Variants in LRRC41 observed in about 807,000 individuals in gnomAD.
LRRC41 encodes the protein leucine rich repeat containing 41.
A neutral mutation model predicts 72.1 loss-of-function variants in LRRC41; 17 were observed. The ratio of observed to expected loss-of-function variants is 0.24; its 90% CI spans 0.16 to 0.35. The LOEUF is 0.35. Among genes scored for constraint, LRRC41 ranks in the 10% least tolerant of loss-of-function variants. The pLI is 1.00. For missense variants in LRRC41, 759 were observed against 1,065.0 expected, an observed-to-expected ratio of 0.71 and a Z score of 4.00; for synonymous variants, 427 against 431.0, an observed-to-expected ratio of 0.99 and a Z score of 0.11.
intron 4 of LRRC41, chr1:46,284,548 A>G (rs774866891): frequency 1.3e-5 from 2 of 152,182 alleles, no homozygotes; most frequent in African/African-American, 4.8e-5. Context: ...GTGAAGCTCT[A>G]TGCATCTAGA....
In LRRC41 at chr1:46,277,856, C is replaced by G; in HGVS notation, c.*1009G>C. 1 of 1,613,296 alleles carries G rather than the reference C, an allele frequency of 6.2e-7. No individual in the cohort carries two copies. On this transcript the variant is annotated 3_prime_UTR_variant, in exon 10 of 10. Transcript: ENST00000617190. ...GGAGAAGATCTTCCAGCGTCAGAGC[C>G]ACAAGAAGGCACTGAGCAGCTGTGT... is the stretch of plus-strand genomic sequence containing the variant.
Position 46,303,238 on chromosome 1 carries a change from C to G in LRRC41, c.85G>C (p.Glu29Gln). Residue 29 changes from glutamate (E) to glutamine (Q), a missense_variant, in exon 1 of 10, where the codon GAG becomes CAG. Coordinates refer to ENST00000617190, the MANE Select transcript of LRRC41 (RefSeq NM_006369.5). ...GCCGAGCTCTTCGCTGGCGCCGCCT[C>G]CCGGGACGTGGCCTCCATGGTCGTT... ...AATTMEATSREAAPAKSSASG... is the reference protein window; with the variant it reads ...AATTMEATSRQAAPAKSSASG... 4 of 1,555,328 alleles carry G rather than the reference C, an allele frequency of 2.6e-6. No individual in the cohort carries two copies. The highest frequency in any genetic ancestry group is 3.5e-6 in the Non-Finnish European group (4 of 1,152,494).
intron 1 of LRRC41, 69 bp from the exon 2 acceptor site, chr1:46,298,439 T>C: frequency 1.1e-6 from 1 of 925,734 alleles, no homozygotes; most frequent in African/African-American, 1.7e-5. Flanking sequence ...TTCCAAGCAT[T>C]ATTTATTCTA....
At chr1:46,292,501 C>T (rs1020226189) in intron 3 of LRRC41, among the ~76,000 whole-genome samples, 8 of 152,178 alleles carry the variant, frequency 5.3e-5, no homozygotes, top group Admixed American at 5.2e-4. Flanking sequence ...CAAATTTCGC[C>T]ATGGCCAAAC....
chr1:46,277,900 T>TG lies in LRRC41; in HGVS notation c.*964dup. ...GCTGTGTGGTGGATGAGGAGCAGGA[T>TG]GTAGAGCGCCACTTCTCTCTGGGCG... On this transcript the variant is annotated 3_prime_UTR_variant, in exon 10 of 10. Transcript: ENST00000617190. The TG allele has an allele frequency of 6.2e-7, 1 of 1,614,032 alleles. No individual in the cohort carries two copies. Among genetic ancestry groups the TG allele is most frequent in the East Asian group, 2.2e-5 (1 of 44,878 alleles).
chr1:46,278,782 G>T lies in LRRC41; in HGVS notation c.*83C>A, dbSNP rs765210204. The T allele has an allele frequency of 7.8e-7, 1 of 1,278,164 alleles. No individual in the cohort carries two copies. 79.2% of individuals were successfully genotyped at this position (1,278,164 alleles called of 1,614,324 possible). A position where few individuals can be genotyped will look rare whatever the true frequency, so the allele number is the denominator to read the frequency against. On this transcript the variant is annotated 3_prime_UTR_variant, in exon 10 of 10. Transcript: ENST00000617190. Reference sequence around the variant, plus strand: ...GTGACAGAAAGAGAAAGATAGAACTGGTGGTTGGGGTTCTGGGCAGCCCAT... The same window carrying T: ...GTGACAGAAAGAGAAAGATAGAACTTGTGGTTGGGGTTCTGGGCAGCCCAT...
At position 46,302,696 on chromosome 1, in the gene LRRC41, C is replaced by G; in HGVS notation, c.199+428G>C. On this transcript the variant is annotated intron_variant, in intron 1 of 9. Coordinates refer to ENST00000617190, the MANE Select transcript of LRRC41 (RefSeq NM_006369.5). This position sits in a 1 kb window ranked among gnomAD's most constrained non-coding sequence, Gnocchi z 4.7. ...TTCGGTGGCCCCGGGCCTGGCCTGG[C>G]CTTGCCTTAGGCCGGGCCTCCTAAC... is the stretch of plus-strand genomic sequence containing the variant. 2 of 985,202 alleles carry G rather than the reference C, an allele frequency of 2.0e-6. No homozygotes were observed. Among genetic ancestry groups the G allele is most frequent in the Non-Finnish European group, 2.4e-6 (2 of 829,838 alleles). 61.0% of individuals were successfully genotyped at this position (985,202 alleles called of 1,614,324 possible).
rs1226404071 is a variant in LRRC41 at position 46,286,627 on chromosome 1, CTG to C, written c.358-130_358-129del. 2.2e-6 allele frequency: 2 copies of C among 892,216 alleles called. No individual in the cohort carries two copies. The highest frequency in any genetic ancestry group is 3.4e-5 in the African/African-American group (2 of 59,476). 55.3% of individuals were successfully genotyped at this position (892,216 alleles called of 1,614,324 possible). On this transcript the variant is annotated intron_variant, in intron 3 of 9. Coordinates refer to ENST00000617190, the MANE Select transcript of LRRC41 (RefSeq NM_006369.5). This position sits in a 1 kb window ranked among gnomAD's most constrained non-coding sequence, Gnocchi z 5.5. ...ACAAATTCATTTAATCTTCACATCT[CTG>C]AGGTATGTATTATTATTAGCCCTAT... is the stretch of plus-strand genomic sequence containing the variant.
chr1:46,286,815 T>C lies in LRRC41; in HGVS notation c.358-316A>G, dbSNP rs76227146. Among the ~76,000 whole-genome samples, 6,916 of 152,176 alleles carry C rather than the reference T, an allele frequency of 0.045. 207 individuals carry two copies. The highest frequency in any genetic ancestry group is 0.11 in the Middle Eastern group (31 of 294). The stretch of plus-strand genomic sequence containing the variant: ...TTCCATGTTTGTTTCTAGAACCTTA[T>C]CCCAATTTTTTTTTTCTTTTTAAGA... On this transcript the variant is annotated intron_variant, in intron 3 of 9. Coordinates refer to ENST00000617190, the MANE Select transcript of LRRC41 (RefSeq NM_006369.5). The surrounding 1 kb of genome is among the most constrained non-coding windows in gnomAD (Gnocchi z 5.5).
intron 3 of LRRC41, chr1:46,296,784 T>C (rs1415936208): frequency 6.6e-6 from 1 of 152,238 alleles, no homozygotes; most frequent in Non-Finnish European, 1.5e-5. Context: ...TAGAATTAGC[T>C]TGTTTCATAA....
In LRRC41 at chr1:46,286,606, A is replaced by C; in HGVS notation, c.358-107T>G. The C allele has an allele frequency of 1.9e-6, 2 of 1,032,920 alleles. No individual in the cohort carries two copies. The highest frequency in any genetic ancestry group is 2.8e-6 in the Non-Finnish European group (2 of 716,206). The allele number at this position is 1,032,920 out of a possible 1,614,324, so 64.0% of individuals were successfully genotyped here. ...TTTACTGAGTCAGGCAACACTACAAATTCATTTAATCTTCACATCTCTGAG... is the reference window on the plus strand; with the variant it reads ...TTTACTGAGTCAGGCAACACTACAACTTCATTTAATCTTCACATCTCTGAG... On this transcript the variant is annotated intron_variant, in intron 3 of 9. Coordinates refer to ENST00000617190, the MANE Select transcript of LRRC41 (RefSeq NM_006369.5). The surrounding 1 kb of genome is among the most constrained non-coding windows in gnomAD (Gnocchi z 5.5).
In LRRC41 at chr1:46,285,609, G is replaced by A. The variant is rs775049219; in HGVS notation, c.1248C>T (p.Phe416=). Residue 416 remains phenylalanine, a synonymous_variant, in exon 4 of 10, where the codon TTC becomes TTT. Coordinates refer to ENST00000617190, the MANE Select transcript of LRRC41 (RefSeq NM_006369.5). The surrounding 1 kb of genome is among the most constrained non-coding windows in gnomAD (Gnocchi z 5.3). The stretch of plus-strand genomic sequence containing the variant: ...CCTTCTCGCCAGCCACAATAAAAAC[G>A]AAGTCATACAGGTCTTCAGACTCTG... ...PGAESEDLYD[F]VFIVAGEKED... 14 of 1,613,852 alleles carry A rather than the reference G, an allele frequency of 8.7e-6. No homozygotes were observed. In the Admixed American group the frequency reaches 1.5e-4, roughly 17 times the overall value.
intron 3 of LRRC41, among the ~76,000 whole-genome samples, chr1:46,294,484 A>G (rs1332124805): frequency 6.6e-6 from 1 of 151,794 alleles, no homozygotes; most frequent in African/African-American, 2.4e-5. Context: ...CACAGCCTCC[A>G]ACTCCTAGGC....
intron 1 of LRRC41, chr1:46,301,884 C>A: frequency 1.3e-5 from 12 of 917,982 alleles, no homozygotes; most frequent in Non-Finnish European, 1.6e-5. Flanking sequence ...AACTCCAACC[C>A]CGGCCTCCCG....
rs1168988926 is a variant in LRRC41 at position 46,297,544 on chromosome 1, A to G, written c.357+19T>C. 6.2e-7 allele frequency: 1 copy of G among 1,606,202 alleles called. No homozygotes were observed. Among genetic ancestry groups the G allele is most frequent in the Non-Finnish European group, 8.5e-7 (1 of 1,172,862 alleles). On this transcript the variant is annotated intron_variant, in intron 3 of 9. Coordinates refer to ENST00000617190, the MANE Select transcript of LRRC41 (RefSeq NM_006369.5). The stretch of plus-strand genomic sequence containing the variant: ...CCATGCAAAATCAGGCTAGCATTCT[A>G]CCTGATACCTTAACTTACTTCCAAA...
intron 5 of LRRC41, 27 bp from the exon 6 acceptor site, chr1:46,280,587 C>G: frequency 6.2e-7 from 1 of 1,609,420 alleles, no homozygotes; most frequent in South Asian, 1.1e-5. Context: ...AAGAAGATTC[C>G]AGCTGGCCAT....
intron 3 of LRRC41, among the ~76,000 whole-genome samples, chr1:46,289,811 A>G (rs1326695725): frequency 6.6e-6 from 1 of 152,152 alleles, no homozygotes; most frequent in East Asian, 1.9e-4. Context: ...GATGCTTGAG[A>G]TCTAGTCCAG....
Position 46,294,399 on chromosome 1 carries a change from C to T in LRRC41, c.357+3164G>A, listed in dbSNP as rs58924829. Among the ~76,000 whole-genome samples, 1,091 of 152,028 alleles carry T rather than the reference C, an allele frequency of 7.2e-3. 17 individuals are homozygous for T. The highest frequency in any genetic ancestry group is 0.034 in the Middle Eastern group (10 of 294). ...CTGGGATTACAGGTGTGAGCTACCGCGCCCAGCCCTTTCTTTCTTTTTTTA... is the reference window on the plus strand; with the variant it reads ...CTGGGATTACAGGTGTGAGCTACCGTGCCCAGCCCTTTCTTTCTTTTTTTA... On this transcript the variant is annotated intron_variant, in intron 3 of 9. Coordinates refer to ENST00000617190, the MANE Select transcript of LRRC41 (RefSeq NM_006369.5).
rs1660732405 is a variant in LRRC41 at position 46,279,872 on chromosome 1, T to C, written c.2021-258A>G. On this transcript the variant is annotated intron_variant, in intron 7 of 9. Coordinates refer to ENST00000617190, the MANE Select transcript of LRRC41 (RefSeq NM_006369.5). The surrounding 1 kb of genome is among the most constrained non-coding windows in gnomAD (Gnocchi z 4.5). Reference sequence around the variant, plus strand: ...TCTTTCCCTAACACTGGCCACCCTCTATGCGGGGGTGGGGATCAGAGAAAA... The same window carrying C: ...TCTTTCCCTAACACTGGCCACCCTCCATGCGGGGGTGGGGATCAGAGAAAA... Among the ~76,000 whole-genome samples the C allele has an allele frequency of 6.6e-6, 1 of 152,178 alleles. No homozygotes were observed. The highest frequency in any genetic ancestry group is 6.5e-5 in the Admixed American group (1 of 15,276).
Sources: allele counts gnomAD v4.1 joint callset (sites outside exome capture counted in the v4.1 genomes callset), GRCh38; gene constraint gnomAD v4.1.1; non-coding constraint Gnocchi (gnomAD v3.1); transcripts MANE v1.5; gene names NCBI Gene and HGNC (gene_info 2026-07-23, HGNC 2026-07-21).